ANKRD11: variants seen among roughly 807,000 people sequenced by gnomAD.
ANKRD11 encodes the protein ankyrin repeat domain-containing protein 11.
Under a neutral mutation model 195.7 loss-of-function variants are expected in ANKRD11, and 17 were observed. The ratio of observed to expected loss-of-function variants is 0.09; its 90% CI spans 0.06 to 0.13. ANKRD11 has a LOEUF of 0.13. Among genes scored for constraint, ANKRD11 ranks in the 10% least tolerant of loss-of-function variants. The pLI, the probability that ANKRD11 is intolerant of heterozygous loss-of-function variation, is 1.00. For missense variants in ANKRD11, 3,735 were observed against 3,566.1 expected (o/e 1.05, Z -1.21); for synonymous variants, 1,953 against 1,528.1 (o/e 1.28, Z -6.49).
chr16:89,489,130 T>A (rs2057716841), intron 1 of ANKRD11: 1 of 150,988 alleles, frequency 6.6e-6, no homozygotes, highest in Admixed American at 6.6e-5. Flanking sequence ...CGACCAACCT[T>A]CCCAAATAAC....
At chr16:89,304,521 C>T (rs895014394) in intron 4 of ANKRD11, among the ~76,000 whole-genome samples, 1 of 150,992 alleles carries the variant, frequency 6.6e-6, no homozygotes, top group Non-Finnish European at 1.5e-5. Flanking sequence ...GGCACACATA[C>T]AGGCACACAC....
chr16:89,340,351 C>T (rs973953320), intron 2 of ANKRD11, among the ~76,000 whole-genome samples: 4 of 152,366 alleles, frequency 2.6e-5, no homozygotes, highest in East Asian at 1.9e-4. Flanking sequence ...CATCTCGGCT[C>T]ACTGCAACCT....
intron 2 of ANKRD11, among the ~76,000 whole-genome samples, chr16:89,397,607 T>C (rs1358716830): frequency 6.6e-6 from 1 of 152,248 alleles, no homozygotes; most frequent in Non-Finnish European, 1.5e-5. Context: ...GGGGCCCACC[T>C]GCCTCAGGCT....
chr16:89,281,000 G>A lies in ANKRD11; in HGVS notation c.5542C>T (p.Pro1848Ser), dbSNP rs1372596216. The A allele has an allele frequency of 1.3e-6, 2 of 1,581,182 alleles. No homozygotes were observed. Among genetic ancestry groups the A allele is most frequent in the Non-Finnish European group, 1.7e-6 (2 of 1,161,942 alleles). ...VPAEKFACLS[P>S]GYYSPDYGLP... ...CCATAGTCTGGGGAGTAGTACCCTG[G>A]CGACAAGCAGGCAAACTTCTCCGCG... is the stretch of plus-strand genomic sequence containing the variant. The change falls in exon 9 of 13, where the codon CCA becomes TCA. Residue 1848 changes from proline (P) to serine (S), a missense_variant. Physicochemically the swap from Pro to Ser is moderately conservative, Grantham distance 74. Coordinates refer to ENST00000301030, the MANE Select transcript of ANKRD11 (RefSeq NM_013275.6).
Position 89,286,624 on chromosome 16 carries a change from G to A in ANKRD11, c.745-438C>T, listed in dbSNP as rs759426563. ...GTTAGGGAGAAGAGTGTTATGGAAA[G>A]GGTTGGGGGGACAGAATAGAGGAAA... On this transcript the variant is annotated intron_variant, in intron 7 of 12. Coordinates refer to ENST00000301030, the MANE Select transcript of ANKRD11 (RefSeq NM_013275.6). 9 of 1,193,650 alleles carry A rather than the reference G, an allele frequency of 7.5e-6. No homozygotes were observed. In the African/African-American group the frequency reaches 8.0e-5, roughly 11 times the overall value. 73.9% of individuals were successfully genotyped at this position (1,193,650 alleles called of 1,614,324 possible).
chr16:89,373,696 T>C (rs1397836066), intron 2 of ANKRD11, among the ~76,000 whole-genome samples: 1 of 152,204 alleles, frequency 6.6e-6, no homozygotes, highest in Non-Finnish European at 1.5e-5. Context: ...AAGGAAGACC[T>C]GCAGAAACGC....
chr16:89,459,231 T>C (rs2056566855), intron 1 of ANKRD11: 1 of 165,942 alleles, frequency 6.0e-6, no homozygotes, highest in Non-Finnish European at 1.3e-5. Context: ...AATAATGAGA[T>C]CTACATGAAA....
intron 3 of ANKRD11, among the ~76,000 whole-genome samples, chr16:89,311,189 A>G (rs991035699): frequency 2.0e-5 from 3 of 152,196 alleles, no homozygotes; most frequent in Middle Eastern, 3.2e-3. Context: ...ACTTGAACTG[A>G]TTGATATTGG....
chr16:89,277,055 T>TAAA (rs35025100), intron 9 of ANKRD11, among the ~76,000 whole-genome samples: 31 of 143,386 alleles, frequency 2.2e-4, no homozygotes, highest in African/African-American at 2.3e-4. Flanking sequence ...GACTCTGTCT[T>TAAA]AAAAAAAAAA....
rs71134220 is a variant in ANKRD11, at chr16:89,415,829, CAAA to C, written c.-60+2452_-60+2454del. ...TGCACAACAAAGCTAGACTCTGTCT[CAAA>C]AAAAAAAAAAAAAAAAAACAATGGA... is the stretch of plus-strand genomic sequence containing the variant. On this transcript the variant is annotated intron_variant, in intron 2 of 12. Transcript: ENST00000301030. Among the ~76,000 whole-genome samples the C allele has an allele frequency of 1.0e-3, 41 of 39,736 alleles. 3 individuals are homozygous for C. In the Middle Eastern group the frequency reaches 0.091, roughly 88 times the overall value. 26.1% of individuals were successfully genotyped at this position (39,736 alleles called of 152,430 possible). A position where few individuals can be genotyped will look rare whatever the true frequency, so the allele number is the denominator to read the frequency against.
At chr16:89,391,063 C>T (rs1048142132) in intron 2 of ANKRD11, among the ~76,000 whole-genome samples, 9 of 151,964 alleles carry the variant, frequency 5.9e-5, no homozygotes, top group Non-Finnish European at 1.2e-4. Flanking sequence ...CCCATCTCTA[C>T]TAAAAATACA....
intron 9 of ANKRD11, among the ~76,000 whole-genome samples, chr16:89,276,377 A>C (rs537521398): frequency 6.6e-6 from 1 of 152,174 alleles, no homozygotes; most frequent in African/African-American, 2.4e-5. Context: ...AGCCTCACGC[A>C]GTCTCCACGT....
intron 2 of ANKRD11, among the ~76,000 whole-genome samples, chr16:89,381,354 A>AAAAAAAAAGGGG (rs1555560066): frequency 8.0e-6 from 1 of 125,346 alleles, no homozygotes; most frequent in African/African-American, 3.3e-5. Flanking sequence ...AAAAAAAAAA[A>AAAAAAAAAGGGG]GGGGTGAGAA....
chr16:89,450,451 G>T (rs1189554263), intron 1 of ANKRD11, among the ~76,000 whole-genome samples: 1 of 152,108 alleles, frequency 6.6e-6, no homozygotes, highest in Non-Finnish European at 1.5e-5. Flanking sequence ...TCCCTCCGAC[G>T]GTGTACAAGG....
At chr16:89,307,189 G>T (rs1410660287) in intron 3 of ANKRD11, among the ~76,000 whole-genome samples, 1 of 152,188 alleles carries the variant, frequency 6.6e-6, no homozygotes, top group African/African-American at 2.4e-5. Context: ...CCGTGCAGTG[G>T]TCAGCGAAGC....
intron 1 of ANKRD11, among the ~76,000 whole-genome samples, chr16:89,464,566 A>C (rs535099861): frequency 3.0e-4 from 45 of 148,348 alleles, no homozygotes; most frequent in African/African-American, 1.1e-3. Flanking sequence ...CAAGATCGCA[A>C]CACTGCACTC....
rs769464008 is a variant in ANKRD11 at position 89,283,624 on chromosome 16, C to T, written c.2918G>A (p.Arg973Gln). The T allele has an allele frequency of 1.2e-5, 20 of 1,610,420 alleles. No homozygotes were observed. Among genetic ancestry groups the T allele is most frequent in the East Asian group, 8.9e-5 (4 of 44,886 alleles). ...DGRAKPEEAH[R>Q]EELKECGCES... ...GCAGCCACACTCCTTCAGCTCCTCC[C>T]GGTGCGCCTCCTCGGGCTTGGCCCT... The change falls in exon 9 of 13, where the codon CGG (arginine) becomes CAG (glutamine). Residue 973 changes from arginine (R) to glutamine (Q), a missense_variant. By Grantham distance (43) the Arg-to-Gln change is conservative (BLOSUM62 1). Transcript: ENST00000301030. The surrounding 1 kb of genome is among the most constrained non-coding windows in gnomAD (Gnocchi z 4.3).
intron 1 of ANKRD11, among the ~76,000 whole-genome samples, chr16:89,438,789 T>C (rs2043324099): frequency 6.6e-6 from 1 of 152,102 alleles, no homozygotes; most frequent in South Asian, 2.1e-4. Flanking sequence ...GAGGACTGCT[T>C]GATCCCAGAA....
intron 2 of ANKRD11, among the ~76,000 whole-genome samples, chr16:89,357,138 T>C (rs1410695142): frequency 1.3e-5 from 2 of 152,124 alleles, no homozygotes; most frequent in Non-Finnish European, 2.9e-5. Context: ...GGTGGAGCCA[T>C]CTAGGGGCAC....
Sources: allele counts gnomAD v4.1 joint callset (sites outside exome capture counted in the v4.1 genomes callset), GRCh38; gene constraint gnomAD v4.1.1; non-coding constraint Gnocchi (gnomAD v3.1); transcripts MANE v1.5; gene names NCBI Gene and HGNC (gene_info 2026-07-23, HGNC 2026-07-21).